The following PTPA variants were observed in gnomAD, a reference collection of about 807,000 sequenced individuals.
PTPA encodes the protein protein phosphatase 2 phosphatase activator.
PTPA carries 13 observed loss-of-function variants against 43.6 expected under a neutral mutation model. That is an observed-to-expected ratio of 0.30 (90% CI 0.19 to 0.47). The LOEUF (loss-of-function observed/expected upper bound fraction) is 0.47. Ranked by LOEUF, PTPA falls within the 20% of genes least tolerant of loss-of-function variation. The pLI, the probability that PTPA is intolerant of heterozygous loss-of-function variation, is 0.99. For missense variants in PTPA, 329 were observed against 411.9 expected (o/e 0.80, Z 1.74); for synonymous variants, 172 against 158.2 (o/e 1.09, Z -0.66).
At chr9:129,111,851 G>A in intron 1 of PTPA, 2 of 1,177,836 alleles carry the variant, frequency 1.7e-6, no homozygotes, top group Non-Finnish European at 2.1e-6. Flanking sequence ...GGTGATTGGG[G>A]CGCAACTCTG....
chr9:129,140,391 G>A (rs1027729312), intron 8 of PTPA, among the ~76,000 whole-genome samples: 1 of 152,180 alleles, frequency 6.6e-6, no homozygotes, highest in African/African-American at 2.4e-5. Flanking sequence ...AGACCCTGGG[G>A]TACTGAAGGC....
At chr9:129,122,914 C>T (rs1849342011) in intron 2 of PTPA, 138 bp from the exon 3 acceptor site, 4 of 654,944 alleles carry the variant, frequency 6.1e-6, no homozygotes, top group Admixed American at 2.3e-5. Flanking sequence ...TCTGCTTCTC[C>T]TGCTATTGGG....
At chr9:129,112,094 C>T (rs1171865068) in intron 1 of PTPA, 2 of 162,214 alleles carry the variant, frequency 1.2e-5, no homozygotes, top group African/African-American at 2.4e-5. Flanking sequence ...GTTTCGGCCT[C>T]CGCGTCCTGC....
At chr9:129,111,107 A>C, upstream of PTPA, 2 of 1,342,384 alleles carry the variant, frequency 1.5e-6, no homozygotes, top group African/African-American at 3.0e-5. Context: ...AAACACAACC[A>C]TGTTGACCGG....
chr9:129,142,771 G>C lies in PTPA; in HGVS notation c.894+219G>C, dbSNP rs922258564. ...CCAGCCACCCCAGCCCCGAAAAGCT[G>C]CAGTCCAGCTCTGTCCTGATGAGCT... On this transcript the variant is annotated intron_variant, in intron 9 of 9. Coordinates refer to ENST00000393370, the MANE Select transcript of PTPA (RefSeq NM_178000.3). 3 of 1,536,290 alleles carry C rather than the reference G, an allele frequency of 2.0e-6. No homozygotes were observed. In the Admixed American group the frequency reaches 5.9e-5, roughly 30 times the overall value.
chr9:129,143,497 C>T (rs1400017309), intron 9 of PTPA: 3 of 699,038 alleles, frequency 4.3e-6, no homozygotes, highest in Admixed American at 2.0e-5. Context: ...CCAGAGCTTC[C>T]TGGATCCCAT....
intron 9 of PTPA, chr9:129,143,123 C>CT: frequency 1.6e-6 from 1 of 619,428 alleles, no homozygotes; most frequent in Non-Finnish European, 2.8e-6. Flanking sequence ...CTTCCTGGAG[C>CT]TCCCCCTGCT....
intron 2 of PTPA, among the ~76,000 whole-genome samples, chr9:129,121,433 A>G (rs907991672): frequency 6.6e-6 from 1 of 152,186 alleles, no homozygotes; most frequent in African/African-American, 2.4e-5. Context: ...AATAGTTATC[A>G]TGTCTTTTCT....
At chr9:129,134,665 G>C in intron 5 of PTPA, 130 bp from the exon 6 acceptor site, 1 of 663,014 alleles carries the variant, frequency 1.5e-6, no homozygotes, top group Non-Finnish European at 2.6e-6. Flanking sequence ...ATGGGGAAGA[G>C]GTCTCATTGT....
In PTPA at chr9:129,147,744, T is replaced by C. The variant is rs1851395895; in HGVS notation, c.*280T>C. The C allele has an allele frequency of 4.5e-6, 2 of 440,238 alleles. No homozygotes were observed. The highest frequency in any genetic ancestry group is 3.6e-5 in the Admixed American group (1 of 27,804). The allele number at this position is 440,238 out of a possible 1,614,324, so 27.3% of individuals were successfully genotyped here. Reference sequence around the variant, plus strand: ...GCCTGGTCACTCGGCCACTCTCTCCTGTTTCTGGCCTCTTCTCCCTTCACT... The same window carrying C: ...GCCTGGTCACTCGGCCACTCTCTCCCGTTTCTGGCCTCTTCTCCCTTCACT... On this transcript the variant is annotated 3_prime_UTR_variant, in exon 10 of 10. Transcript: ENST00000393370.
At chr9:129,120,068 G>T (rs1459683167) in intron 1 of PTPA, among the ~76,000 whole-genome samples, 1 of 152,140 alleles carries the variant, frequency 6.6e-6, no homozygotes, top group Non-Finnish European at 1.5e-5. Context: ...GATCAGCCTG[G>T]CCAACATGGT....
intron 5 of PTPA, among the ~76,000 whole-genome samples, chr9:129,134,479 T>G (rs536299188): frequency 1.3e-5 from 2 of 152,078 alleles, no homozygotes; most frequent in African/African-American, 4.8e-5. Context: ...AATTTTTGTA[T>G]TTTTTGTAGA....
chr9:129,143,171 T>C (rs1414972131), intron 9 of PTPA: 5 of 617,008 alleles, frequency 8.1e-6, no homozygotes, highest in Non-Finnish European at 1.2e-5. Flanking sequence ...CTCTTGGCAC[T>C]GTTCTCCCAG....
chr9:129,130,984 A>T (rs889704089), intron 4 of PTPA, among the ~76,000 whole-genome samples: 1 of 152,108 alleles, frequency 6.6e-6, no homozygotes, highest in Admixed American at 6.6e-5. Context: ...TTTCATGTCT[A>T]GCTATAGGTC....
chr9:129,142,568 C>T lies in PTPA; in HGVS notation c.894+16C>T, dbSNP rs568793744. The T allele has an allele frequency of 6.2e-6, 10 of 1,613,816 alleles. No individual in the cohort carries two copies. The highest frequency in any genetic ancestry group is 1.1e-5 in the South Asian group (1 of 91,040). ...TAAGGCCGAGGTGAGTGGGGGCTGG[C>T]CAGTGTGCCCGTCCCTGCTGCCGCA... On this transcript the variant is annotated intron_variant, in intron 9 of 9. Transcript: ENST00000393370.
intron 9 of PTPA, among the ~76,000 whole-genome samples, chr9:129,145,246 A>G (rs1340823545): frequency 6.9e-6 from 1 of 144,206 alleles, no homozygotes; most frequent in African/African-American, 2.6e-5. Flanking sequence ...CAGGACAGTC[A>G]CTTGAATTTG....
Position 129,111,481 on chromosome 9 carries a change from G to C in PTPA, c.-120G>C. Reference sequence around the variant, plus strand: ...CGGTTTTCGGTTATAGCCGGCCGGCGCTCACTTGTCTTCAGGAAGCTCGGA... The same window carrying C: ...CGGTTTTCGGTTATAGCCGGCCGGCCCTCACTTGTCTTCAGGAAGCTCGGA... On this transcript the variant is annotated 5_prime_UTR_variant, in exon 1 of 10. Coordinates refer to ENST00000393370, the MANE Select transcript of PTPA (RefSeq NM_178000.3). 7.9e-7 allele frequency: 1 copy of C among 1,263,192 alleles called. No individual in the cohort carries two copies. 78.2% of individuals were successfully genotyped at this position (1,263,192 alleles called of 1,614,324 possible). A position where few individuals can be genotyped will look rare whatever the true frequency, so the allele number is the denominator to read the frequency against.
At chr9:129,143,793 C>G (rs534786706) in intron 9 of PTPA, 1 of 221,436 alleles carries the variant, frequency 4.5e-6, no homozygotes, top group South Asian at 7.0e-5. Context: ...AGCTGGCCAC[C>G]CCCGGCTCTC....
intron 1 of PTPA, chr9:129,119,261 A>G (rs1162098615): frequency 6.5e-6 from 1 of 152,720 alleles, no homozygotes. Context: ...GGCCTCCCAA[A>G]TTGCTGGGAT....
Sources: gnomAD v4.1 joint callset for allele counts (sites outside exome capture counted in the v4.1 genomes callset) on GRCh38, gnomAD v4.1.1 for gene constraint, MANE v1.5 for transcripts, NCBI Gene and HGNC (gene_info 2026-07-23, HGNC 2026-07-21) for gene names.